The following MOSMO variants were observed in gnomAD, a reference collection of about 807,000 sequenced individuals.
The protein encoded by MOSMO is modulator of smoothened protein.
MOSMO carries 5 observed loss-of-function variants against 18.4 expected under a neutral mutation model. That is an observed-to-expected ratio of 0.27 (90% CI 0.14 to 0.57). The LOEUF is 0.57. Among genes scored for constraint, MOSMO ranks in the 20% least tolerant of loss-of-function variants. The pLI is 0.92. For synonymous variants in MOSMO, 82 were observed against 82.3 expected, an observed-to-expected ratio of 1.00 and a Z score of 0.02; for missense variants, 138 against 211.8, an observed-to-expected ratio of 0.65 and a Z score of 2.16.
At chr16:22,042,820 A>G (rs1567506503) in intron 1 of MOSMO, among the ~76,000 whole-genome samples, 13 of 152,220 alleles carry the variant, frequency 8.5e-5, no homozygotes. Context: ...CTGTGTTGTT[A>G]TTCTACTCTT....
intron 1 of MOSMO, among the ~76,000 whole-genome samples, chr16:22,060,997 A>G (rs1265565749): frequency 6.6e-6 from 1 of 152,250 alleles, no homozygotes; most frequent in East Asian, 1.9e-4. Flanking sequence ...TAACACAGGA[A>G]AAATGAAAAC....
chr16:22,067,301 G>A (rs1279613371), intron 1 of MOSMO, among the ~76,000 whole-genome samples: 2 of 152,088 alleles, frequency 1.3e-5, no homozygotes, highest in African/African-American at 4.8e-5. Flanking sequence ...CGGAAAGAAT[G>A]TCTAGAAAAA....
At chr16:22,064,470 G>A (rs1285773479) in intron 1 of MOSMO, 5 of 452,832 alleles carry the variant, frequency 1.1e-5, no homozygotes, top group Non-Finnish European at 2.2e-5. Context: ...TCTTCCATGG[G>A]AGTTTCTCTT....
intron 1 of MOSMO, among the ~76,000 whole-genome samples, chr16:22,039,279 A>G (rs763512695): frequency 2.0e-4 from 30 of 152,190 alleles, no homozygotes; most frequent in Non-Finnish European, 3.8e-4. Context: ...TTGTGACCCA[A>G]TTCTGTCACT....
intron 1 of MOSMO, among the ~76,000 whole-genome samples, chr16:22,068,725 A>T (rs1169485604): frequency 6.6e-6 from 1 of 152,144 alleles, no homozygotes; most frequent in Non-Finnish European, 1.5e-5. Flanking sequence ...TTAATTGCTG[A>T]AAAATTCATT....
At chr16:22,089,253 A>G (rs536078487), downstream of MOSMO, among the ~76,000 whole-genome samples, 32 of 152,170 alleles carry the variant, frequency 2.1e-4, no homozygotes, top group South Asian at 6.4e-3. Context: ...TTTTTTGTAG[A>G]GATGGGGTCT....
Position 22,081,993 on chromosome 16 carries a change from G to A in MOSMO, c.*1113G>A, listed in dbSNP as rs1325007767. The stretch of plus-strand genomic sequence containing the variant: ...GAATCTGACACTATTTAAATTATTG[G>A]CAACTGTTGTCTGTTGTACAGAGAT... On this transcript the variant is annotated 3_prime_UTR_variant, in exon 3 of 3. Coordinates refer to ENST00000542527, the MANE Select transcript of MOSMO (RefSeq NM_001164579.2). 1 of 152,070 alleles carries A rather than the reference G, an allele frequency of 6.6e-6. No individual in the cohort carries two copies. Among genetic ancestry groups the A allele is most frequent in the African/African-American group, 2.4e-5 (1 of 41,402 alleles). 9.4% of individuals were successfully genotyped at this position (152,070 alleles called of 1,614,324 possible). A position where few individuals can be genotyped will look rare whatever the true frequency, so the allele number is the denominator to read the frequency against.
At chr16:22,068,184 A>G (rs1327214889) in intron 1 of MOSMO, among the ~76,000 whole-genome samples, 2 of 152,234 alleles carry the variant, frequency 1.3e-5, no homozygotes, top group East Asian at 3.8e-4. Flanking sequence ...TTTTAAATCA[A>G]TAATTATAAA....
chr16:22,046,991 A>C (rs1304599215), intron 1 of MOSMO, among the ~76,000 whole-genome samples: 1 of 152,144 alleles, frequency 6.6e-6, no homozygotes. Flanking sequence ...AAAAGTTAAA[A>C]TATAGGACTC....
chr16:22,071,872 G>C (rs1041182114), intron 1 of MOSMO, among the ~76,000 whole-genome samples: 4 of 152,182 alleles, frequency 2.6e-5, no homozygotes, highest in African/African-American at 9.7e-5. Context: ...TATTTAATAA[G>C]TGTGCAGAAA....
chr16:22,021,182 TGGTCTGGTCTA>T lies in MOSMO; in HGVS notation c.106+12777_106+12787del, dbSNP rs573118394. On this transcript the variant is annotated intron_variant, in intron 1 of 2. Coordinates refer to ENST00000542527, the MANE Select transcript of MOSMO (RefSeq NM_001164579.2). Reference sequence around the variant, plus strand: ...CATCTGAGCCCACGGGAAGGGCCATTGGTCTGGTCTAGAATGGTTACTGCTCGTTGAGGGGA... The same window carrying T: ...CATCTGAGCCCACGGGAAGGGCCATTGAATGGTTACTGCTCGTTGAGGGGA... Among the ~76,000 whole-genome samples, 32 of 152,282 alleles carry T rather than the reference TGGTCTGGTCTA, an allele frequency of 2.1e-4. No homozygotes were observed. In the East Asian group the frequency reaches 5.0e-3, roughly 24 times the overall value.
chr16:22,065,525 A>G (rs1434031110), intron 1 of MOSMO, among the ~76,000 whole-genome samples: 1 of 152,156 alleles, frequency 6.6e-6, no homozygotes, highest in Non-Finnish European at 1.5e-5. Context: ...TTTATGACCA[A>G]TAGCCTTAGC....
chr16:22,047,349 A>T (rs1007693091), intron 1 of MOSMO, among the ~76,000 whole-genome samples: 10 of 146,392 alleles, frequency 6.8e-5, no homozygotes, highest in Non-Finnish European at 1.0e-4. Flanking sequence ...GGTTCATGCC[A>T]TTCTCCTGTC....
chr16:22,051,484 A>C (rs1900426494), intron 1 of MOSMO, among the ~76,000 whole-genome samples: 1 of 152,158 alleles, frequency 6.6e-6, no homozygotes, highest in African/African-American at 2.4e-5. Context: ...AAATATCAAT[A>C]GGTCAAACCA....
At chr16:22,053,954 T>C (rs184590683) in intron 1 of MOSMO, among the ~76,000 whole-genome samples, 2 of 152,346 alleles carry the variant, frequency 1.3e-5, no homozygotes, top group Non-Finnish European at 1.5e-5. Flanking sequence ...CAAATTTTAG[T>C]TTTAAAAATG....
intron 1 of MOSMO, among the ~76,000 whole-genome samples, chr16:22,036,682 A>G (rs116116141): frequency 0.011 from 1,663 of 152,234 alleles, 30 homozygotes; most frequent in African/African-American, 0.038. Flanking sequence ...ACTGGCATCA[A>G]GGTATTCCCC....
At chr16:22,035,626 T>A (rs1900092779) in intron 1 of MOSMO, among the ~76,000 whole-genome samples, 1 of 152,154 alleles carries the variant, frequency 6.6e-6, no homozygotes, top group Non-Finnish European at 1.5e-5. Context: ...TAACTTGTGA[T>A]TTTTTGTATC....
At chr16:22,012,861 C>T (rs1384426933) in intron 1 of MOSMO, among the ~76,000 whole-genome samples, 1 of 151,692 alleles carries the variant, frequency 6.6e-6, no homozygotes. Context: ...GGTCTAGATA[C>T]AGAGAAAGTA....
At chr16:22,092,515 A>C, downstream of MOSMO, 1 of 1,308,466 alleles carries the variant, frequency 7.6e-7, no homozygotes, top group Non-Finnish European at 1.1e-6. Flanking sequence ...CAGCTAACAC[A>C]TTCCCGCAGG....
Sources: gnomAD v4.1 joint callset for allele counts (sites outside exome capture counted in the v4.1 genomes callset) on GRCh38, gnomAD v4.1.1 for gene constraint, MANE v1.5 for transcripts, NCBI Gene and HGNC (gene_info 2026-07-23, HGNC 2026-07-21) for gene names.